Variants in RIMS2 observed in about 807,000 individuals in gnomAD.
The protein encoded by RIMS2 is regulating synaptic membrane exocytosis 2, also known as regulating synaptic membrane exocytosis protein 2.
Under a neutral mutation model 174.4 loss-of-function variants are expected in RIMS2, and 59 were observed. That is an observed-to-expected ratio of 0.34 (90% CI 0.27 to 0.42). The LOEUF (loss-of-function observed/expected upper bound fraction) is 0.42. RIMS2 is among the 10% of genes least tolerant of loss of function. The probability of loss-of-function intolerance (pLI) is 1.00; values close to 1 mark genes in which losing one functional copy is unlikely to be tolerated. For synonymous variants in RIMS2, 606 were observed against 572.5 expected, an observed-to-expected ratio of 1.06 and a Z score of -0.84; for missense variants, 1,620 against 1,666.3, an observed-to-expected ratio of 0.97 and a Z score of 0.48.
At chr8:104,229,500 C>T (rs2099211472) in intron 19 of RIMS2, among the ~76,000 whole-genome samples, 1 of 152,100 alleles carries the variant, frequency 6.6e-6, no homozygotes, top group East Asian at 1.9e-4. Flanking sequence ...AGATAATGTA[C>T]CAAACCCATG....
intron 2 of RIMS2, among the ~76,000 whole-genome samples, chr8:103,726,853 C>A (rs1398515613): frequency 6.6e-6 from 1 of 150,686 alleles, no homozygotes; most frequent in Non-Finnish European, 1.5e-5. Flanking sequence ...ATTCTCCTGC[C>A]TCAGCCTCCC....
chr8:103,961,040 A>G lies in RIMS2; in HGVS notation c.2702-25A>G, dbSNP rs115527120. ...CTTCCTTAGAGAATCAGAATTTTTA[A>G]TTATTGCTATTGTTTACTTTATAGG... On this transcript the variant is annotated intron_variant, in intron 14 of 23. Coordinates refer to ENST00000504942, the Ensembl canonical transcript of RIMS2. The G allele has an allele frequency of 6.7e-5, 80 of 1,198,404 alleles. No homozygotes were observed. In the African/African-American group the frequency reaches 1.0e-3, roughly 15 times the overall value. The allele number at this position is 1,198,404 out of a possible 1,614,324, so 74.2% of individuals were successfully genotyped here.
chr8:104,148,808 G>C, intron 19 of RIMS2: 2 of 1,598,432 alleles, frequency 1.3e-6, no homozygotes, highest in Non-Finnish European at 1.7e-6. Flanking sequence ...TCGTTGGTCT[G>C]TCACGGAAAA....
At chr8:103,724,286 A>G (rs927518670) in intron 2 of RIMS2, among the ~76,000 whole-genome samples, 4 of 152,172 alleles carry the variant, frequency 2.6e-5, no homozygotes, top group African/African-American at 9.7e-5. Context: ...GGGTGAGGGT[A>G]GAAAAATCCT....
intron 3 of RIMS2, among the ~76,000 whole-genome samples, chr8:103,841,245 C>T (rs1368782068): frequency 6.6e-6 from 1 of 152,158 alleles, no homozygotes; most frequent in Non-Finnish European, 1.5e-5. Flanking sequence ...TCCTTTTTGA[C>T]TTTTATATCC....
At chr8:104,201,632 C>T (rs1488647589) in intron 19 of RIMS2, among the ~76,000 whole-genome samples, 1 of 152,210 alleles carries the variant, frequency 6.6e-6, no homozygotes, top group East Asian at 1.9e-4. Context: ...ATTATCCAGG[C>T]TTCTAGTACT....
intron 3 of RIMS2, among the ~76,000 whole-genome samples, chr8:103,872,963 G>A (rs2099119451): frequency 6.6e-6 from 1 of 152,072 alleles, no homozygotes; most frequent in Admixed American, 6.6e-5. Flanking sequence ...GTTCTTTTAT[G>A]GATTTTATAA....
intron 3 of RIMS2, among the ~76,000 whole-genome samples, chr8:103,786,187 G>T (rs2098442055): frequency 1.3e-5 from 2 of 152,020 alleles, no homozygotes; most frequent in South Asian, 4.2e-4. Context: ...CTTGCTAGTG[G>T]TCTATCAATT....
downstream of RIMS2, chr8:104,254,002 C>T (rs1248837768): frequency 6.6e-6 from 1 of 152,036 alleles, no homozygotes; most frequent in Non-Finnish European, 1.5e-5. Flanking sequence ...ACCTGTGTAC[C>T]AGCAACAATT....
chr8:103,697,350 A>T, intron 2 of RIMS2, 54 bp downstream of exon 4: 1 of 1,318,310 alleles, frequency 7.6e-7, no homozygotes, highest in Non-Finnish European at 1.1e-6. Context: ...GTGTTTATCT[A>T]TTCACGTTAG....
intron 14 of RIMS2, among the ~76,000 whole-genome samples, chr8:103,957,303 A>G (rs11784715): frequency 0.035 from 5,380 of 152,318 alleles, 133 homozygotes; most frequent in Non-Finnish European, 0.057. Context: ...ATGTACATGT[A>G]TGTTTATTGC....
chr8:103,568,898 A>G (rs890203823), intron 1 of RIMS2: 6 of 1,095,624 alleles, frequency 5.5e-6, no homozygotes, highest in Non-Finnish European at 6.9e-6. Flanking sequence ...CAGGAAGACC[A>G]CATTGCTGCA....
rs73293811 is a variant in RIMS2 at position 103,812,792 on chromosome 8, C to G, written c.698+46255C>G. On this transcript the variant is annotated intron_variant, in intron 3 of 23. Transcript: ENST00000504942. ...CCCTGAGGTGAATTGTTCTATGATCCGTGCCTCAGGGAAATATAGAATACT... is the reference window on the plus strand; with the variant it reads ...CCCTGAGGTGAATTGTTCTATGATCGGTGCCTCAGGGAAATATAGAATACT... Among the ~76,000 whole-genome samples, 1,218 of 152,126 alleles carry G rather than the reference C, an allele frequency of 8.0e-3. 8 individuals are homozygous for G. Among genetic ancestry groups the G allele is most frequent in the Non-Finnish European group, 0.012 (806 of 68,000 alleles).
chr8:103,701,312 C>A (rs897502257), intron 2 of RIMS2, among the ~76,000 whole-genome samples: 4 of 151,880 alleles, frequency 2.6e-5, no homozygotes, highest in African/African-American at 9.7e-5. Context: ...ATTTAATAGT[C>A]GTACATATTA....
chr8:104,008,024 A>G (rs976740279), intron 17 of RIMS2, among the ~76,000 whole-genome samples: 1 of 152,154 alleles, frequency 6.6e-6, no homozygotes, highest in South Asian at 2.1e-4. Flanking sequence ...CAGTGAAACT[A>G]TTGAATCTGT....
intron 2 of RIMS2, among the ~76,000 whole-genome samples, chr8:103,720,334 A>T (rs1001042870): frequency 6.6e-6 from 1 of 152,202 alleles, no homozygotes; most frequent in African/African-American, 2.4e-5. Flanking sequence ...AATTAAGTAT[A>T]TGTAATTTAG....
At chr8:103,983,296 CAAT>C (rs1306385689) in intron 16 of RIMS2, among the ~76,000 whole-genome samples, 1 of 152,156 alleles carries the variant, frequency 6.6e-6, no homozygotes, top group Admixed American at 6.5e-5. Context: ...TTGGTATAAT[CAAT>C]GATGTTAAAC....
chr8:103,639,325 C>G (rs1203533244), intron 1 of RIMS2, among the ~76,000 whole-genome samples: 1 of 151,786 alleles, frequency 6.6e-6, no homozygotes, highest in Non-Finnish European at 1.5e-5. Context: ...AAAAAGTTTG[C>G]AAACATTAAC....
At chr8:103,702,685 C>T (rs1222583367) in intron 2 of RIMS2, among the ~76,000 whole-genome samples, 1 of 152,024 alleles carries the variant, frequency 6.6e-6, no homozygotes, top group African/African-American at 2.4e-5. Context: ...GGTGGATATA[C>T]TTGGTGCCTT....
Sources: allele counts gnomAD v4.1 joint callset (sites outside exome capture counted in the v4.1 genomes callset), GRCh38; gene constraint gnomAD v4.1.1; transcripts MANE v1.5; gene names NCBI Gene and HGNC (gene_info 2026-07-23, HGNC 2026-07-21).